The following SLC4A1AP variants were observed in gnomAD, a reference collection of about 807,000 sequenced individuals.
The protein encoded by SLC4A1AP is kanadaptin.
In SLC4A1AP, 64 loss-of-function variants were observed where a neutral mutation model predicts 89.7. The ratio of observed to expected loss-of-function variants is 0.71; its 90% confidence interval spans 0.58 to 0.88. SLC4A1AP has a LOEUF of 0.88. Ranked by LOEUF, SLC4A1AP falls within the 40% of genes least tolerant of loss-of-function variation. The pLI is 0.00. For missense variants in SLC4A1AP, 931 were observed against 965.0 expected, an observed-to-expected ratio of 0.96 and a Z score of 0.47; for synonymous variants, 366 against 353.3, an observed-to-expected ratio of 1.04 and a Z score of -0.40.
Position 27,685,023 on chromosome 2 carries a change from T to G in SLC4A1AP, c.1876-14T>G, listed in dbSNP as rs775719227. On this transcript the variant is annotated splice_polypyrimidine_tract_variant and intron_variant, in intron 9 of 13. Coordinates refer to ENST00000613058, the Ensembl canonical transcript of SLC4A1AP. ...AAGTAGAACTACTTGTTCATGGTTT[T>G]GTTTCCCTCTTAGAAGTTACCCCCC... The G allele has an allele frequency of 6.4e-7, 1 of 1,574,354 alleles. No individual in the cohort carries two copies. Among genetic ancestry groups the G allele is most frequent in the Admixed American group, 2.0e-5 (1 of 50,386 alleles).
chr2:27,679,447 A>C (rs1675581147), intron 8 of SLC4A1AP, among the ~76,000 whole-genome samples: 1 of 152,078 alleles, frequency 6.6e-6, no homozygotes, highest in Non-Finnish European at 1.5e-5. Context: ...CTAAAAATAC[A>C]AAAAATTAGC....
chr2:27,688,882 C>T, intron 12 of SLC4A1AP, 115 bp downstream of exon 12: 1 of 675,882 alleles, frequency 1.5e-6, no homozygotes, highest in Non-Finnish European at 2.4e-6. Flanking sequence ...TTATTCCCCT[C>T]TCCTAGAAAT....
chr2:27,691,043 A>G (rs1675779510), intron 12 of SLC4A1AP, among the ~76,000 whole-genome samples: 1 of 151,942 alleles, frequency 6.6e-6, no homozygotes, highest in Non-Finnish European at 1.5e-5. Context: ...TCAGGGCGAT[A>G]TTAGCTTCAT....
chr2:27,667,168 C>G, intron 2 of SLC4A1AP, 100 bp from the exon 3 acceptor site: 1 of 1,345,566 alleles, frequency 7.4e-7, no homozygotes, highest in Non-Finnish European at 1.0e-6. Context: ...TGCGCCCAGC[C>G]TAAACTATAT....
chr2:27,681,111 C>T (rs1226338636), intron 8 of SLC4A1AP, among the ~76,000 whole-genome samples: 1 of 152,186 alleles, frequency 6.6e-6, no homozygotes, highest in Admixed American at 6.5e-5. Context: ...CTAGGCCAGC[C>T]TGGCTTTTTA....
At chr2:27,669,323 G>A (rs116515788) in exon 5 of SLC4A1AP, 2 of 1,613,320 alleles carry the variant, frequency 1.2e-6, no homozygotes, top group South Asian at 2.2e-5. Flanking sequence ...AAGAAGCAAT[G>A]ATCCAGTGCT....
exon 2 of SLC4A1AP, chr2:27,665,241 A>G: frequency 6.2e-7 from 1 of 1,613,140 alleles, no homozygotes. Flanking sequence ...TACCTCTGAA[A>G]GGAAGATAAA....
rs192207384 is a variant in SLC4A1AP at position 27,665,638 on chromosome 2, C to T, written c.1021+343C>T. On this transcript the variant is annotated intron_variant, in intron 2 of 13. Transcript: ENST00000613058. ...GTGATTATCATTGGAGGGGATGGAA[C>T]TCTATTCAATCAAATAAATGGGATG... is the stretch of plus-strand genomic sequence containing the variant. Among the ~76,000 whole-genome samples, 221 of 152,252 alleles carry T rather than the reference C, an allele frequency of 1.5e-3. 2 individuals are homozygous for T. Among genetic ancestry groups the T allele is most frequent in the African/African-American group, 4.8e-3 (201 of 41,554 alleles).
In SLC4A1AP at chr2:27,672,218, C is replaced by G. The variant is rs150899580; in HGVS notation, c.1345+2831C>G. On this transcript the variant is annotated intron_variant, in intron 5 of 13. Transcript: ENST00000613058. ...TTCAGGAAGTTTTCTGCAATTATGT[C>G]ATTAATTGTTTCGTCCCTCTGTTTT... Among the ~76,000 whole-genome samples the G allele has an allele frequency of 5.5e-3, 843 of 152,182 alleles. 5 individuals are homozygous for G. The highest frequency in any genetic ancestry group is 6.7e-3 in the Admixed American group (103 of 15,288).
intron 6 of SLC4A1AP, 119 bp downstream of exon 6, chr2:27,675,811 T>C (rs1675511608): frequency 3.1e-6 from 2 of 636,528 alleles, no homozygotes; most frequent in East Asian, 3.4e-5. Context: ...AATCTGATAC[T>C]GAAGTATAAC....
Position 27,668,910 on chromosome 2 carries a change from T to C in SLC4A1AP, c.1205+7T>C, listed in dbSNP as rs765263470. ...CTTGGCTCTGCAGGGTGAGGTATGC[T>C]CTTTTCTTATTAATGTTCTTTTCTG... On this transcript the variant is annotated splice_region_variant and intron_variant, in intron 4 of 13. Coordinates refer to ENST00000613058, the Ensembl canonical transcript of SLC4A1AP. 6.2e-7 allele frequency: 1 copy of C among 1,613,154 alleles called. No homozygotes were observed. The highest frequency in any genetic ancestry group is 1.1e-5 in the South Asian group (1 of 90,936).
chr2:27,664,500 C>A (rs1310139346), exon 1 of SLC4A1AP: 1 of 1,614,196 alleles, frequency 6.2e-7, no homozygotes, highest in African/African-American at 1.3e-5. Context: ...AACTCGCATC[C>A]CACCTCGCAC....
At chr2:27,691,011 A>G (rs1215145070) in intron 12 of SLC4A1AP, among the ~76,000 whole-genome samples, 1 of 150,942 alleles carries the variant, frequency 6.6e-6, no homozygotes, top group Non-Finnish European at 1.5e-5. Context: ...TTTTTTTGTT[A>G]TGTCCTTTCC....
At position 27,665,190 on chromosome 2, in the gene SLC4A1AP, A is replaced by G. The variant is rs973880288; in HGVS notation, c.916A>G (p.Lys306Glu). The G allele has an allele frequency of 5.6e-6, 9 of 1,613,890 alleles. No individual in the cohort carries two copies. Among genetic ancestry groups the G allele is most frequent in the Non-Finnish European group, 7.6e-6 (9 of 1,179,862 alleles). ...GCAGCAGCAAATATTGTTGGAGAAGAAGATGCTAGGAGAAGACTCAGATGA... is the reference window on the plus strand; with the variant it reads ...GCAGCAGCAAATATTGTTGGAGAAGGAGATGCTAGGAGAAGACTCAGATGA... Residue 306 changes from lysine to glutamate, a missense_variant, in exon 2 of 14, where the codon AAG becomes GAG. Lys to Glu is a moderately conservative substitution (Grantham distance 56). Transcript: ENST00000613058.
At chr2:27,682,199 A>T (rs1187829436) in intron 8 of SLC4A1AP, 49 bp from the exon 9 acceptor site, 1 of 1,248,132 alleles carries the variant, frequency 8.0e-7, no homozygotes, top group African/African-American at 1.5e-5. Flanking sequence ...TTTAGATAAA[A>T]CCTTGGGACT....
rs139689483 is a variant in SLC4A1AP, at chr2:27,663,944, C to T, written c.192C>T (p.Thr64=). Residue 64 remains threonine, a synonymous_variant, in exon 1 of 14, where the codon ACC becomes ACT. Transcript: ENST00000613058. The stretch of plus-strand genomic sequence containing the variant: ...CTGACATTCTCTCTCAGTCAGAGAC[C>T]CTGGCGTCGCAAGACCTCAGTGGGG... The T allele has an allele frequency of 1.5e-4, 238 of 1,614,194 alleles. 1 individual carries two copies. In the Admixed American group the frequency reaches 3.8e-3, roughly 26 times the overall value.
chr2:27,669,532 T>C lies in SLC4A1AP; in HGVS notation c.1345+145T>C, dbSNP rs933092762. 6.3e-5 allele frequency: 42 copies of C among 668,908 alleles called. No homozygotes were observed. The East Asian group carries it at 1.2e-3, about 19-fold the overall frequency. 41.4% of individuals were successfully genotyped at this position (668,908 alleles called of 1,614,324 possible). ...GAGAAAAATTCTCAATACCCTAAGGTAGCCACTGTTTATATTCTCCCAGAC... is the reference window on the plus strand; with the variant it reads ...GAGAAAAATTCTCAATACCCTAAGGCAGCCACTGTTTATATTCTCCCAGAC... On this transcript the variant is annotated intron_variant, in intron 5 of 13. Coordinates refer to ENST00000613058, the Ensembl canonical transcript of SLC4A1AP.
intron 7 of SLC4A1AP, 121 bp from the exon 8 acceptor site, chr2:27,677,617 C>G (rs1267813824): frequency 1.3e-6 from 1 of 794,240 alleles, no homozygotes; most frequent in African/African-American, 1.8e-5. Flanking sequence ...TTCCTTATTC[C>G]TATTACTAGT....
Position 27,671,476 on chromosome 2 carries a change from C to T in SLC4A1AP, c.1345+2089C>T, listed in dbSNP as rs944800797. On this transcript the variant is annotated intron_variant, in intron 5 of 13. Transcript: ENST00000613058. Reference sequence around the variant, plus strand: ...CCCACACCTTTCAGTAGCCTCACCACATCAAACAACTTAATGATTAAGTAA... The same window carrying T: ...CCCACACCTTTCAGTAGCCTCACCATATCAAACAACTTAATGATTAAGTAA... 3.2e-4 allele frequency among the ~76,000 whole-genome samples: 49 copies of T among 152,172 alleles called. 1 individual carries two copies. The highest frequency in any genetic ancestry group is 2.7e-3 in the Admixed American group (41 of 15,268).
Sources: allele counts gnomAD v4.1 joint callset (sites outside exome capture counted in the v4.1 genomes callset), GRCh38; gene constraint gnomAD v4.1.1; transcripts MANE v1.5; gene names NCBI Gene and HGNC (gene_info 2026-07-23, HGNC 2026-07-21).